Variants in TOP2B observed in about 807,000 individuals in gnomAD.
TOP2B encodes DNA topoisomerase 2-beta.
In TOP2B, 51 loss-of-function variants were observed where a neutral mutation model predicts 193.5. The ratio of observed to expected loss-of-function variants is 0.26; its 90% CI spans 0.21 to 0.33. The LOEUF is 0.33. TOP2B is among the 10% of genes least tolerant of loss of function. TOP2B has a pLI of 1.00. For missense variants in TOP2B, 1,378 were observed against 1,909.3 expected (o/e 0.72, Z 5.19); for synonymous variants, 634 against 635.7 (o/e 1.00, Z 0.04).
At position 25,624,762 on chromosome 3, in the gene TOP2B, T is replaced by C; in HGVS notation, c.2266A>G (p.Lys756Glu). 6.2e-7 allele frequency: 1 copy of C among 1,613,698 alleles called. No homozygotes were observed. The highest frequency in any genetic ancestry group is 1.1e-5 in the South Asian group (1 of 91,070). The stretch of plus-strand genomic sequence containing the variant: ...TTTACTTCACGTTTATCATTCCTCT[T>C]GAAACAGGTAAATAAAACTTTCCGC... ...GQRKVLFTCF[K>E]RNDKREVKVA... The change falls in exon 19 of 36, where the codon AAG becomes GAG. Residue 756 changes from lysine (K) to glutamate (E), a missense_variant. Lys to Glu is a moderately conservative substitution (Grantham distance 56). Coordinates refer to ENST00000264331, the MANE Select transcript of TOP2B (RefSeq NM_001330700.2).
chr3:25,610,057 T>C (rs1374126911), intron 28 of TOP2B, among the ~76,000 whole-genome samples: 1 of 151,968 alleles, frequency 6.6e-6, no homozygotes, highest in Non-Finnish European at 1.5e-5. Context: ...GGCAGGCCTT[T>C]ATATACCATT....
chr3:25,627,829 G>A (rs1356533435), intron 15 of TOP2B, among the ~76,000 whole-genome samples: 1 of 151,588 alleles, frequency 6.6e-6, no homozygotes, highest in Non-Finnish European at 1.5e-5. Context: ...CAGCACTTTG[G>A]GAGGCTGAGG....
intron 15 of TOP2B, among the ~76,000 whole-genome samples, chr3:25,627,838 G>C (rs1575573964): frequency 1.3e-5 from 2 of 151,604 alleles, no homozygotes; most frequent in African/African-American, 4.8e-5. Flanking sequence ...GGGAGGCTGA[G>C]GTGGGCGGAT....
Position 25,608,148 on chromosome 3 carries a change from T to G in TOP2B, c.4094-773A>C, listed in dbSNP as rs191180253. Among the ~76,000 whole-genome samples, 134 of 152,234 alleles carry G rather than the reference T, an allele frequency of 8.8e-4. 1 individual carries two copies. In the East Asian group the frequency reaches 0.019, roughly 22 times the overall value. On this transcript the variant is annotated intron_variant, in intron 30 of 35. Transcript: ENST00000264331. Reference sequence around the variant, plus strand: ...CTTCTCTTCAGAGTTAGTTTTACTATGAAATAACAAAGACAGTAATTTTTT... The same window carrying G: ...CTTCTCTTCAGAGTTAGTTTTACTAGGAAATAACAAAGACAGTAATTTTTT...
chr3:25,610,140 G>C (rs914826775), intron 28 of TOP2B, among the ~76,000 whole-genome samples: 9 of 151,846 alleles, frequency 5.9e-5, no homozygotes, highest in African/African-American at 2.2e-4. Flanking sequence ...GGCGGAGATT[G>C]CGGTGAGCCT....
chr3:25,623,001 C>T (rs181599491), intron 21 of TOP2B, among the ~76,000 whole-genome samples: 1 of 152,282 alleles, frequency 6.6e-6, no homozygotes, highest in Admixed American at 6.5e-5. Flanking sequence ...TGGTCTCGAA[C>T]TCCTGACCTC....
At chr3:25,628,826 T>A in intron 15 of TOP2B, 21 bp downstream of exon 15, 1 of 1,328,864 alleles carries the variant, frequency 7.5e-7, no homozygotes. Flanking sequence ...ATTTAAAATC[T>A]AAGTATTTTA....
At chr3:25,662,372 G>C (rs1166869864) in intron 1 of TOP2B, among the ~76,000 whole-genome samples, 13 of 152,148 alleles carry the variant, frequency 8.5e-5, no homozygotes, top group East Asian at 1.9e-4. Context: ...ACATAAAGAT[G>C]CTCATATAAC....
intron 35 of TOP2B, among the ~76,000 whole-genome samples, chr3:25,599,110 C>A (rs895447144): frequency 1.3e-5 from 2 of 151,790 alleles, no homozygotes; most frequent in Non-Finnish European, 2.9e-5. Context: ...TCAAATAAAT[C>A]CAAGTTAAAA....
Position 25,624,454 on chromosome 3 carries a change from CAGA to C in TOP2B, c.2347-12_2347-10del, listed in dbSNP as rs751225626. 42 of 1,609,842 alleles carry C rather than the reference CAGA, an allele frequency of 2.6e-5. No individual in the cohort carries two copies. The highest frequency in any genetic ancestry group is 6.7e-5 in the East Asian group (3 of 44,850). On this transcript the variant is annotated splice_polypyrimidine_tract_variant and intron_variant, in intron 19 of 35. Transcript: ENST00000264331. ...GTCATCATCAATGCTTGCTATACAA[CAGA>C]AGAAGGCAGAACATAACATTAATAT... is the stretch of plus-strand genomic sequence containing the variant.
At chr3:25,604,666 TA>T (rs915352961) in intron 33 of TOP2B, 93 bp downstream of exon 33, 50 of 1,075,742 alleles carry the variant, frequency 4.6e-5, no homozygotes, top group African/African-American at 1.3e-4. Context: ...TGTTTTATGA[TA>T]AAAAAATGCA....
chr3:25,629,948 G>T, intron 13 of TOP2B, 81 bp downstream of exon 13: 4 of 1,388,922 alleles, frequency 2.9e-6, no homozygotes, highest in Non-Finnish European at 3.8e-6. Flanking sequence ...ACCATCTTCG[G>T]GCAAGTCTCA....
At chr3:25,634,041 T>TAAA in intron 7 of TOP2B, 27 bp from the exon 8 acceptor site, 1 of 1,557,058 alleles carries the variant, frequency 6.4e-7, no homozygotes, top group Non-Finnish European at 8.7e-7. Flanking sequence ...CAAAAACAAT[T>TAAA]AAAAATCTTA....
In TOP2B at chr3:25,642,478, A is replaced by T; in HGVS notation, c.332-93T>A. 4.7e-6 allele frequency: 3 copies of T among 641,406 alleles called. 1 individual carries two copies. In the South Asian group the frequency reaches 8.6e-5, roughly 18 times the overall value. 39.7% of individuals were successfully genotyped at this position (641,406 alleles called of 1,614,324 possible). On this transcript the variant is annotated intron_variant, in intron 3 of 35. Coordinates refer to ENST00000264331, the MANE Select transcript of TOP2B (RefSeq NM_001330700.2). ...ATGTGCATCACTGCTTAATATAAAC[A>T]TCTACATATGGTAATAGTTAATGAA...
At chr3:25,607,013 A>G (rs1702251994) in intron 31 of TOP2B, among the ~76,000 whole-genome samples, 158 bp downstream of exon 31, 1 of 152,188 alleles carries the variant, frequency 6.6e-6, no homozygotes, top group Admixed American at 6.5e-5. Flanking sequence ...AACTACAGCA[A>G]CTGTGATGGG....
chr3:25,653,102 C>A (rs1312637109), intron 1 of TOP2B, among the ~76,000 whole-genome samples: 26 of 152,106 alleles, frequency 1.7e-4, no homozygotes, highest in Admixed American at 1.7e-3. Context: ...TAAAAAATCT[C>A]AACAGCCCTA....
intron 8 of TOP2B, among the ~76,000 whole-genome samples, 158 bp from the exon 9 acceptor site, chr3:25,632,952 T>C (rs975629876): frequency 6.6e-6 from 1 of 152,110 alleles, no homozygotes; most frequent in Non-Finnish European, 1.5e-5. Flanking sequence ...ACAGAGCCAA[T>C]AAACCAACCG....
At position 25,619,287 on chromosome 3, in the gene TOP2B, T is replaced by C. The variant is rs541145917; in HGVS notation, c.3064-438A>G. The stretch of plus-strand genomic sequence containing the variant: ...CTCGCTTTCACATTTACTTGTGCTA[T>C]AATCCAGTCACCCAAACTCCTCTCT... On this transcript the variant is annotated intron_variant, in intron 23 of 35. Coordinates refer to ENST00000264331, the MANE Select transcript of TOP2B (RefSeq NM_001330700.2). Among the ~76,000 whole-genome samples the C allele has an allele frequency of 3.4e-5, 5 of 148,332 alleles. No individual in the cohort carries two copies. The South Asian group carries it at 6.2e-4, about 18-fold the overall frequency.
intron 1 of TOP2B, among the ~76,000 whole-genome samples, chr3:25,651,743 T>C (rs892271603): frequency 6.6e-6 from 1 of 151,994 alleles, no homozygotes; most frequent in Non-Finnish European, 1.5e-5. Flanking sequence ...GGCAGCCACC[T>C]GTAATCCCAG....
Sources: gnomAD v4.1 joint callset for allele counts (sites outside exome capture counted in the v4.1 genomes callset) on GRCh38, gnomAD v4.1.1 for gene constraint, MANE v1.5 for transcripts, NCBI Gene and HGNC (gene_info 2026-07-23, HGNC 2026-07-21) for gene names.